Variants in ZNF142 observed in about 807,000 individuals in gnomAD.
ZNF142 encodes the protein zinc finger protein 142.
ZNF142 carries 96 observed loss-of-function variants against 132.1 expected under a neutral mutation model. The ratio of observed to expected loss-of-function variants is 0.73; its 90% CI spans 0.62 to 0.86. ZNF142 has a LOEUF of 0.86. Among genes scored for constraint, ZNF142 ranks in the 40% least tolerant of loss-of-function variants. The pLI is 0.00. For missense variants in ZNF142, 2,163 were observed against 2,336.2 expected, an observed-to-expected ratio of 0.93 and a Z score of 1.53; for synonymous variants, 842 against 890.1, an observed-to-expected ratio of 0.95 and a Z score of 0.96.
chr2:218,637,943 T>C lies in ZNF142; in HGVS notation c.*396A>G, dbSNP rs1696849178. 6.1e-6 allele frequency: 1 copy of C among 164,888 alleles called. No individual in the cohort carries two copies. Among genetic ancestry groups the C allele is most frequent in the Non-Finnish European group, 1.3e-5 (1 of 77,020 alleles). 10.2% of individuals were successfully genotyped at this position (164,888 alleles called of 1,614,324 possible). A position where few individuals can be genotyped will look rare whatever the true frequency, so the allele number is the denominator to read the frequency against. ...TCTGTTTAACATGCTTTATAGAGCATTAGGCACAACAGCACATGCGGTTAG... is the reference window on the plus strand; with the variant it reads ...TCTGTTTAACATGCTTTATAGAGCACTAGGCACAACAGCACATGCGGTTAG... On this transcript the variant is annotated 3_prime_UTR_variant, in exon 11 of 11. Transcript: ENST00000411696.
At chr2:218,656,817 CT>C (rs34530017) in intron 3 of ZNF142, among the ~76,000 whole-genome samples, 68,495 of 119,178 alleles carry the variant, frequency 0.57, 18,190 homozygotes, top group East Asian at 0.74. Flanking sequence ...CTCAGAAGTC[CT>C]TTTTTTTTTT....
At position 218,635,929 on chromosome 2, in the gene ZNF142, A is replaced by G. The variant is rs199950867; in HGVS notation, c.*2410T>C. On this transcript the variant is annotated 3_prime_UTR_variant, in exon 11 of 11. Transcript: ENST00000411696. ...CAGGAGACCAACTATGTGGAGAACA[A>G]TGGTGAGAAACTGGCAGTGCTGGGG... is the stretch of plus-strand genomic sequence containing the variant. 25 of 1,614,032 alleles carry G rather than the reference A, an allele frequency of 1.5e-5. 1 individual carries two copies. The East Asian group carries it at 1.8e-4, about 12-fold the overall frequency.
rs1197087073 is a variant in ZNF142 at position 218,649,177 on chromosome 2, T to C, written c.1331A>G (p.Asp444Gly). Reference sequence around the variant, plus strand: ...GGTGTCTGAGTAGAAGTTGGAAATATCTTCATGCATGCTGGCCATGTGGCG... The same window carrying C: ...GGTGTCTGAGTAGAAGTTGGAAATACCTTCATGCATGCTGGCCATGTGGCG... ...LNRHMASMHEDISNFYSDTYA... is the reference protein window; with the variant it reads ...LNRHMASMHEGISNFYSDTYA... The change falls in exon 7 of 11, where the codon GAT (aspartate) becomes GGT (glycine). Residue 444 changes from aspartate (D) to glycine (G), a missense_variant. Asp to Gly is a moderately conservative substitution (Grantham distance 94). Transcript: ENST00000411696. The C allele has an allele frequency of 1.2e-6, 2 of 1,614,120 alleles. No individual in the cohort carries two copies. Among genetic ancestry groups the C allele is most frequent in the Non-Finnish European group, 8.5e-7 (1 of 1,180,048 alleles).
chr2:218,650,441 ATTC>A lies in ZNF142; in HGVS notation c.963_965del (p.Glu321_Asn322delinsAsp). Reference sequence around the variant, plus strand: ...TGTCACTCTTCTCTTCTTTCTCTACATTCTCCTCTTCAGCTGTCTCCTGCCCAG... The same window carrying A: ...TGTCACTCTTCTCTTCTTTCTCTACATCCTCTTCAGCTGTCTCCTGCCCAG... On this transcript the variant is annotated inframe_deletion, in exon 6 of 11. Coordinates refer to ENST00000411696, the MANE Select transcript of ZNF142 (RefSeq NM_001379659.1). 6.2e-7 allele frequency: 1 copy of A among 1,613,968 alleles called. No individual in the cohort carries two copies. The highest frequency in any genetic ancestry group is 8.5e-7 in the Non-Finnish European group (1 of 1,179,990).
At chr2:218,657,586 G>A (rs1559308695) in intron 3 of ZNF142, among the ~76,000 whole-genome samples, 1 of 152,044 alleles carries the variant, frequency 6.6e-6, no homozygotes, top group African/African-American at 2.4e-5. Flanking sequence ...GTACCACCAC[G>A]CCTGGCTACT....
Position 218,656,171 on chromosome 2 carries a change from C to G in ZNF142, c.259G>C (p.Gly87Arg), listed in dbSNP as rs773565062. 10 of 1,599,956 alleles carry G rather than the reference C, an allele frequency of 6.3e-6. No individual in the cohort carries two copies. In the East Asian group the frequency reaches 2.0e-4, roughly 32 times the overall value. Residue 87 changes from glycine to arginine, a missense_variant, in exon 4 of 11, where the codon GGT becomes CGT. By Grantham distance (125) the Gly-to-Arg change is moderately radical (BLOSUM62 -2). Transcript: ENST00000411696. ...GTACCTGGGGTCTCTCCAGGAGCAC[C>G]TGGGGTCAGGGTTCCAGCTACTGTC... Reference protein sequence around the residue: ...VETVAGTLTPGAPGETPGVLV... With the variant: ...VETVAGTLTPRAPGETPGVLV...
intron 7 of ZNF142, among the ~76,000 whole-genome samples, chr2:218,647,565 A>C (rs550473412): frequency 7.3e-4 from 111 of 152,276 alleles, no homozygotes; most frequent in Admixed American, 1.3e-3. Flanking sequence ...ATCCTAGTTG[A>C]CTACCATGTG....
Position 218,644,992 on chromosome 2 carries a change from C to G in ZNF142, c.2124G>C (p.Gln708His). Residue 708 changes from glutamine (Q) to histidine (H), a missense_variant, in exon 9 of 11, where the codon CAG (glutamine) becomes CAC (histidine). Gln to His is a conservative substitution (Grantham distance 24). This residue lies in a region of ZNF142 where 749 missense variants were observed against 830.3 expected (regional missense o/e 0.90). Transcript: ENST00000411696. The surrounding 1 kb of genome is among the most constrained non-coding windows in gnomAD (Gnocchi z 4.6). ...DQLSSHKLRH[Q>H]GKSLMCEVCA... Reference sequence around the variant, plus strand: ...ACACCTCACACATCAGAGACTTGCCCTGATGCCGCAGCTTGTGGCTGCTCA... The same window carrying G: ...ACACCTCACACATCAGAGACTTGCCGTGATGCCGCAGCTTGTGGCTGCTCA... The G allele has an allele frequency of 6.2e-7, 1 of 1,614,102 alleles. No homozygotes were observed. Among genetic ancestry groups the G allele is most frequent in the Non-Finnish European group, 8.5e-7 (1 of 1,179,988 alleles).
chr2:218,651,197 GT>G (rs1937956516), intron 5 of ZNF142, among the ~76,000 whole-genome samples: 2 of 152,214 alleles, frequency 1.3e-5, no homozygotes, highest in Non-Finnish European at 2.9e-5. Flanking sequence ...GCCCAGGCTG[GT>G]CTTGAACTCC....
At chr2:218,641,245 T>A (rs1218082244) in intron 9 of ZNF142, among the ~76,000 whole-genome samples, 4 of 77,086 alleles carry the variant, frequency 5.2e-5, no homozygotes, top group Non-Finnish European at 1.2e-4. Context: ...GGCCGATAAT[T>A]TTTTTTTTTT....
rs546073493 is a variant in ZNF142 at position 218,636,411 on chromosome 2, C to T, written c.*1928G>A. 22 of 1,613,840 alleles carry T rather than the reference C, an allele frequency of 1.4e-5. No homozygotes were observed. The South Asian group carries it at 1.6e-4, about 12-fold the overall frequency. On this transcript the variant is annotated 3_prime_UTR_variant, in exon 11 of 11. Transcript: ENST00000411696. ...CAACAAGGTGAGCCAGCCCCTTTGG[C>T]CCCTGGCCAATACCCCAGCTCTGGC... is the stretch of plus-strand genomic sequence containing the variant.
rs1216603657 is a variant in ZNF142, at chr2:218,643,213, C to T, written c.3903G>A (p.Gly1301=). The change falls in exon 9 of 11, where the codon GGG becomes GGA. Residue 1301 remains glycine (G), a synonymous_variant. Transcript: ENST00000411696. The part of the protein sequence containing the change: ...GDTVLVQKQK[G]ARFSCPTCPF... Reference sequence around the variant, plus strand: ...GACATGTAGGGCAGGAGAAGCGAGCCCCCTTCTGCTTTTGAACCAGAACTG... The same window carrying T: ...GACATGTAGGGCAGGAGAAGCGAGCTCCCTTCTGCTTTTGAACCAGAACTG... 1.2e-6 allele frequency: 2 copies of T among 1,614,250 alleles called. No individual in the cohort carries two copies. Among genetic ancestry groups the T allele is most frequent in the Non-Finnish European group, 1.7e-6 (2 of 1,180,038 alleles).
Position 218,637,763 on chromosome 2 carries a change from A to G in ZNF142, c.*576T>C, listed in dbSNP as rs1342882642. Among the ~76,000 whole-genome samples the G allele has an allele frequency of 6.6e-6, 1 of 152,196 alleles. No homozygotes were observed. Among genetic ancestry groups the G allele is most frequent in the African/African-American group, 2.4e-5 (1 of 41,464 alleles). On this transcript the variant is annotated 3_prime_UTR_variant, in exon 11 of 11. Coordinates refer to ENST00000411696, the MANE Select transcript of ZNF142 (RefSeq NM_001379659.1). ...GTCAAGATGGCTCAAGGACAGGGAG[A>G]AGGCAGACCTAGGCCTGTTTCAGTA...
chr2:218,653,435 G>A (rs1434815858), intron 4 of ZNF142, among the ~76,000 whole-genome samples: 2 of 151,946 alleles, frequency 1.3e-5, no homozygotes, highest in African/African-American at 4.8e-5. Flanking sequence ...AAATTAGCTG[G>A]GCATGGTGGC....
In ZNF142 at chr2:218,643,930, G is replaced by T. The variant is rs1282667175; in HGVS notation, c.3186C>A (p.Arg1062=). 1 of 1,613,988 alleles carries T rather than the reference G, an allele frequency of 6.2e-7. No individual in the cohort carries two copies. The highest frequency in any genetic ancestry group is 8.5e-7 in the Non-Finnish European group (1 of 1,179,986). ...ACTCGGGGCACAGCAGGGGCTCTCG[G>T]CGGCCTTGGCACCCAGTCCTGGAGT... The part of the protein sequence containing the change: ...NLHSRTGCQG[R]REPLLCPECG... The change falls in exon 9 of 11, where the codon CGC becomes CGA. Residue 1062 remains arginine (R), a synonymous_variant. Transcript: ENST00000411696.
At position 218,644,099 on chromosome 2, in the gene ZNF142, G is replaced by A. The variant is rs754018488; in HGVS notation, c.3017C>T (p.Ala1006Val). ...PLPESESLLK[A>V]LRRQDKEQAE... ...TTGTTCTTTGTCCTGTCTCCTTAGGGCCTTGAGTAATGACTCTGACTCAGG... is the reference window on the plus strand; with the variant it reads ...TTGTTCTTTGTCCTGTCTCCTTAGGACCTTGAGTAATGACTCTGACTCAGG... The change falls in exon 9 of 11, where the codon GCC (alanine) becomes GTC (valine). Residue 1006 changes from alanine (A) to valine (V), a missense_variant. By Grantham distance (64) the Ala-to-Val change is moderately conservative. Around this residue, in one of 7 missense-constraint regions of ZNF142, gnomAD observed 809 missense variants for 801.7 expected, o/e 1.01. Transcript: ENST00000411696. The surrounding 1 kb of genome is among the most constrained non-coding windows in gnomAD (Gnocchi z 4.6). 1.9e-6 allele frequency: 3 copies of A among 1,614,082 alleles called. No homozygotes were observed. Among genetic ancestry groups the A allele is most frequent in the Non-Finnish European group, 2.5e-6 (3 of 1,180,004 alleles).
chr2:218,639,487 G>A (rs1696987218), intron 10 of ZNF142, among the ~76,000 whole-genome samples: 1 of 152,146 alleles, frequency 6.6e-6, no homozygotes, highest in Non-Finnish European at 1.5e-5. Flanking sequence ...GAGTACTCAT[G>A]GAATTCGACA....
chr2:218,642,030 T>A lies in ZNF142; in HGVS notation c.5086A>T (p.Lys1696Ter). 1 of 1,612,932 alleles carries A rather than the reference T, an allele frequency of 6.2e-7. No individual in the cohort carries two copies. Among genetic ancestry groups the A allele is most frequent in the Non-Finnish European group, 8.5e-7 (1 of 1,179,118 alleles). ...TGCCCCATATCCTCTGACATTACCTTGAGACGAGAGGGATCAGCACAGGCA... is the reference window on the plus strand; with the variant it reads ...TGCCCCATATCCTCTGACATTACCTAGAGACGAGAGGGATCAGCACAGGCA... Reference protein sequence around the residue: ...PYACADPSRLKYHMRIHKEER... With the variant: ...PYACADPSRL Residue 1696 changes from lysine to a stop codon, truncating the protein, a stop_gained and splice_region_variant, in exon 9 of 11, where the codon AAG becomes TAG. Coordinates refer to ENST00000411696, the MANE Select transcript of ZNF142 (RefSeq NM_001379659.1). LOFTEE classifies it high-confidence loss of function. The surrounding 1 kb of genome is among the most constrained non-coding windows in gnomAD (Gnocchi z 4.6).
chr2:218,650,877 C>T (rs1254677672), intron 5 of ZNF142, among the ~76,000 whole-genome samples: 1 of 152,150 alleles, frequency 6.6e-6, no homozygotes, highest in East Asian at 1.9e-4. Flanking sequence ...GGCCCGTTTT[C>T]TCTGTTTCCT....
Sources: gnomAD v4.1 joint callset for allele counts (sites outside exome capture counted in the v4.1 genomes callset) on GRCh38, gnomAD v4.1.1 for gene constraint, gnomAD v4.1.1 regional missense constraint, Gnocchi (gnomAD v3.1) non-coding constraint, MANE v1.5 for transcripts, NCBI Gene and HGNC (gene_info 2026-07-23, HGNC 2026-07-21) for gene names.